PSMF1: variants seen among roughly 807,000 people sequenced by gnomAD.
PSMF1 encodes proteasome inhibitor subunit 1.
Under a neutral mutation model 29.3 loss-of-function variants are expected in PSMF1, and 30 were observed. The observed-to-expected ratio is 1.02, with a 90% CI of 0.77 to 1.39. PSMF1 has a LOEUF of 1.39. Among genes scored for constraint, PSMF1 ranks in the 40% most tolerant of loss-of-function variants. PSMF1 has a pLI of 0.00. For synonymous variants in PSMF1, 134 were observed against 139.7 expected (o/e 0.96, Z 0.29); for missense variants, 344 against 357.5 (o/e 0.96, Z 0.31).
chr20:1,120,200 CTCT>C (rs1407417290), intron 1 of PSMF1, among the ~76,000 whole-genome samples: 15 of 152,222 alleles, frequency 9.9e-5, no homozygotes, highest in Non-Finnish European at 1.8e-4. Context: ...GGATTTCTGG[CTCT>C]TTTTTTCCCC....
At chr20:1,155,018 T>C (rs1436835370) in intron 4 of PSMF1, among the ~76,000 whole-genome samples, 1 of 152,192 alleles carries the variant, frequency 6.6e-6, no homozygotes, top group African/African-American at 2.4e-5. Context: ...CCTTACAGAA[T>C]GCATAGAGTA....
At chr20:1,145,313 A>C (rs184219253) in intron 4 of PSMF1, among the ~76,000 whole-genome samples, 109 of 152,226 alleles carry the variant, frequency 7.2e-4, no homozygotes, top group Non-Finnish European at 1.4e-3. Context: ...TCTAGCCCTG[A>C]GTGTTTCATA....
chr20:1,169,774 T>C lies in PSMF1; in HGVS notation c.*4694T>C, dbSNP rs1333568243. 2.0e-5 allele frequency among the ~76,000 whole-genome samples: 3 copies of C among 152,214 alleles called. No individual in the cohort carries two copies. The highest frequency in any genetic ancestry group is 2.9e-5 in the Non-Finnish European group (2 of 68,034). ...AGTTCAAGGCTCAATTGAATGCGTC[T>C]GGTTGTTGGAACCTACATGGCCTCT... On this transcript the variant is annotated 3_prime_UTR_variant, in exon 7 of 7. Coordinates refer to ENST00000335877, the MANE Select transcript of PSMF1 (RefSeq NM_006814.5).
At chr20:1,154,723 CAT>C (rs1384276357) in intron 4 of PSMF1, among the ~76,000 whole-genome samples, 1 of 152,232 alleles carries the variant, frequency 6.6e-6, no homozygotes, top group East Asian at 1.9e-4. Flanking sequence ...CCCACTGACT[CAT>C]GTGCACCTGA....
chr20:1,164,474 C>T lies in PSMF1; in HGVS notation c.762C>T (p.Pro254=), dbSNP rs150771213. 4.5e-5 allele frequency: 73 copies of T among 1,613,994 alleles called. No individual in the cohort carries two copies. Among genetic ancestry groups the T allele is most frequent in the African/African-American group, 5.3e-5 (4 of 74,918 alleles). The change falls in exon 6 of 7, where the codon CCC becomes CCT. Residue 254 remains proline (P), a splice_region_variant and synonymous_variant. Transcript: ENST00000335877. This position sits in a 1 kb window ranked among gnomAD's most constrained non-coding sequence, Gnocchi z 4.1. ...TTGGACCCATTGGGACCAGCCCACC[C>T]GGGTACGTAGTCACTCAGGTATGCT... ...DPFGPIGTSP[P]GPNPDHLPPP... is the part of the protein sequence containing the mutation.
intron 4 of PSMF1, among the ~76,000 whole-genome samples, chr20:1,141,811 G>C (rs1448786868): frequency 1.3e-5 from 2 of 152,196 alleles, no homozygotes; most frequent in Non-Finnish European, 2.9e-5. Flanking sequence ...AAATAAGTTT[G>C]ACCAGGTTGC....
chr20:1,145,091 G>A (rs748441683), intron 4 of PSMF1, among the ~76,000 whole-genome samples: 6 of 152,100 alleles, frequency 3.9e-5, no homozygotes, highest in Admixed American at 1.3e-4. Context: ...TCACCATGTC[G>A]GGCAGGCTGG....
In PSMF1 at chr20:1,164,437, G is replaced by A. The variant is rs148156083; in HGVS notation, c.725G>A (p.Arg242His). The part of the protein sequence containing the change: ...LPPGAVPPGA[R>H]FDPFGPIGTS... Reference sequence around the variant, plus strand: ...CCAGGCGCTGTGCCCCCAGGAGCTCGCTTTGACCCCTTTGGACCCATTGGG... The same window carrying A: ...CCAGGCGCTGTGCCCCCAGGAGCTCACTTTGACCCCTTTGGACCCATTGGG... The change falls in exon 6 of 7, where the codon CGC becomes CAC. Residue 242 changes from arginine (R) to histidine (H), a missense_variant. Transcript: ENST00000335877. This position sits in a 1 kb window ranked among gnomAD's most constrained non-coding sequence, Gnocchi z 4.1. 2.1e-3 allele frequency: 3,454 copies of A among 1,614,138 alleles called. 4 individuals carry two copies. The highest frequency in any genetic ancestry group is 2.6e-3 in the Non-Finnish European group (3,112 of 1,180,022).
upstream of PSMF1, among the ~76,000 whole-genome samples, chr20:1,116,281 G>A (rs2092370): frequency 0.65 from 98,237 of 151,582 alleles, 32,489 homozygotes; most frequent in East Asian, 0.9. Flanking sequence ...CAAAAGCAGG[G>A]AAGACTGAAA....
chr20:1,130,403 T>C (rs1568467375), intron 3 of PSMF1, among the ~76,000 whole-genome samples: 1 of 152,210 alleles, frequency 6.6e-6, no homozygotes, highest in Non-Finnish European at 1.5e-5. Flanking sequence ...TGATGAGGCC[T>C]TAAAGCATTC....
At chr20:1,122,306 T>G (rs2086099081) in intron 1 of PSMF1, among the ~76,000 whole-genome samples, 1 of 150,004 alleles carries the variant, frequency 6.7e-6, no homozygotes, top group Admixed American at 6.6e-5. Context: ...TTTTTTTTTT[T>G]TTTTTTTTTA....
At chr20:1,159,078 G>A (rs1321450751) in intron 4 of PSMF1, among the ~76,000 whole-genome samples, 1 of 135,464 alleles carries the variant, frequency 7.4e-6, no homozygotes, top group East Asian at 2.7e-4. Flanking sequence ...AAAAGAAGAA[G>A]TAAATGGGTT....
chr20:1,152,706 A>G (rs1173185444), intron 4 of PSMF1, among the ~76,000 whole-genome samples: 3 of 152,230 alleles, frequency 2.0e-5, no homozygotes, highest in Admixed American at 1.3e-4. Flanking sequence ...CAGGCAAGAA[A>G]TAATGGTGGT....
At position 1,171,391 on chromosome 20, in the gene PSMF1, C is replaced by T. The variant is rs557162646; in HGVS notation, c.*6311C>T. On this transcript the variant is annotated 3_prime_UTR_variant, in exon 7 of 7. Transcript: ENST00000335877. ...CTCTGCTGGGCTCTGTCACCTGGCT[C>T]CATGTGCTGCTCACCTCGGCCTTCT... is the stretch of plus-strand genomic sequence containing the variant. 2.9e-4 allele frequency among the ~76,000 whole-genome samples: 44 copies of T among 152,260 alleles called. No homozygotes were observed. Among genetic ancestry groups the T allele is most frequent in the Admixed American group, 7.2e-4 (11 of 15,302 alleles).
Position 1,135,183 on chromosome 20 carries a change from A to T in PSMF1, c.428A>T (p.His143Leu). ...GTGTCTGGAATCATCACACCTATCCATGAGCAGTGGGAAAAGGCTAATGTA... is the reference window on the plus strand; with the variant it reads ...GTGTCTGGAATCATCACACCTATCCTTGAGCAGTGGGAAAAGGCTAATGTA... ...RIVSGIITPI[H>L]EQWEKANVSS... Residue 143 changes from histidine (H) to leucine (L), a missense_variant, in exon 4 of 7, where the codon CAT becomes CTT. By Grantham distance (99) the His-to-Leu change is moderately conservative. Coordinates refer to ENST00000335877, the MANE Select transcript of PSMF1 (RefSeq NM_006814.5). The T allele has an allele frequency of 6.2e-7, 1 of 1,614,070 alleles. No individual in the cohort carries two copies. The highest frequency in any genetic ancestry group is 8.5e-7 in the Non-Finnish European group (1 of 1,180,008).
chr20:1,131,432 A>G (rs2086227642), intron 3 of PSMF1, among the ~76,000 whole-genome samples: 1 of 152,216 alleles, frequency 6.6e-6, no homozygotes. Flanking sequence ...TTTTCTGAGA[A>G]TGGAATGAGA....
At chr20:1,117,140 G>A (rs1356752097), upstream of PSMF1, among the ~76,000 whole-genome samples, 1 of 152,200 alleles carries the variant, frequency 6.6e-6, no homozygotes, top group Admixed American at 6.5e-5. Context: ...GAGAGAAGAG[G>A]GGGAGCCAAG....
chr20:1,156,058 T>G (rs1054626071), intron 4 of PSMF1, among the ~76,000 whole-genome samples: 1 of 152,086 alleles, frequency 6.6e-6, no homozygotes, highest in African/African-American at 2.4e-5. Flanking sequence ...GATAGACAGG[T>G]CAGCAAATAA....
At chr20:1,136,513 C>T (rs1364321702) in intron 4 of PSMF1, among the ~76,000 whole-genome samples, 1 of 152,190 alleles carries the variant, frequency 6.6e-6, no homozygotes, top group Admixed American at 6.5e-5. Flanking sequence ...TGAAATATCC[C>T]TTACTATATT....
Sources: gnomAD v4.1 joint callset for allele counts (sites outside exome capture counted in the v4.1 genomes callset) on GRCh38, gnomAD v4.1.1 for gene constraint, Gnocchi (gnomAD v3.1) non-coding constraint, MANE v1.5 for transcripts, NCBI Gene and HGNC (gene_info 2026-07-23, HGNC 2026-07-21) for gene names.